The following GNG2 variants were observed in gnomAD, a reference collection of about 807,000 sequenced individuals.
The protein encoded by GNG2 is G protein subunit gamma 2.
GNG2 carries 5 observed loss-of-function variants against 5.5 expected under a neutral mutation model. The observed-to-expected ratio is 0.91, with a 90% CI of 0.48 to 1.92. The LOEUF is 1.92. GNG2 is among the 30% of genes most tolerant of loss of function. The pLI, the probability that GNG2 is intolerant of heterozygous loss-of-function variation, is 0.01. For synonymous variants in GNG2, 28 were observed against 32.0 expected, an observed-to-expected ratio of 0.88 and a Z score of 0.42; for missense variants, 55 against 88.4, an observed-to-expected ratio of 0.62 and a Z score of 1.52.
At chr14:51,935,087 C>A (rs1422880546) in intron 2 of GNG2, among the ~76,000 whole-genome samples, 3 of 144,782 alleles carry the variant, frequency 2.1e-5, no homozygotes, top group African/African-American at 5.1e-5. Flanking sequence ...TGCAGTGGCG[C>A]AATCTCGGCT....
intron 2 of GNG2, among the ~76,000 whole-genome samples, chr14:51,946,373 A>C (rs1214470798): frequency 6.6e-6 from 1 of 152,208 alleles, no homozygotes; most frequent in Non-Finnish European, 1.5e-5. Flanking sequence ...GAAGAAAGAG[A>C]ATATCTTAAG....
intron 2 of GNG2, among the ~76,000 whole-genome samples, chr14:51,890,979 C>A (rs184099529): frequency 9.2e-5 from 14 of 152,200 alleles, no homozygotes; most frequent in Admixed American, 7.2e-4. Flanking sequence ...ACAGTACATT[C>A]TTTAGAGAAG....
chr14:51,946,935 GA>G (rs950536265), intron 2 of GNG2, among the ~76,000 whole-genome samples: 36 of 151,742 alleles, frequency 2.4e-4, no homozygotes, highest in Non-Finnish European at 4.6e-4. Context: ...AGCTGGATGT[GA>G]AAAAAAAGGG....
intron 2 of GNG2, among the ~76,000 whole-genome samples, chr14:51,941,596 G>A (rs1888321789): frequency 6.6e-6 from 1 of 152,148 alleles, no homozygotes; most frequent in African/African-American, 2.4e-5. Context: ...TGAAAAGGAT[G>A]GAATCCTCCA....
chr14:51,926,917 A>C (rs1356363143), intron 2 of GNG2, among the ~76,000 whole-genome samples: 1 of 152,190 alleles, frequency 6.6e-6, no homozygotes, highest in African/African-American at 2.4e-5. Context: ...CCTCGCCATT[A>C]GCAGTTCCAT....
At chr14:51,917,363 C>T (rs185527251) in intron 2 of GNG2, 5 of 456,060 alleles carry the variant, frequency 1.1e-5, no homozygotes, top group Admixed American at 2.3e-5. Context: ...ACAAGAAAAT[C>T]GCATCCCATT....
upstream of GNG2, among the ~76,000 whole-genome samples, chr14:51,856,479 G>A (rs553519082): frequency 2.0e-5 from 3 of 152,240 alleles, no homozygotes; most frequent in East Asian, 3.9e-4. Flanking sequence ...TGTTGCCCAG[G>A]TAGAGTGCAA....
intron 2 of GNG2, among the ~76,000 whole-genome samples, chr14:51,843,781 A>G (rs376067172): frequency 4.6e-5 from 7 of 152,102 alleles, no homozygotes; most frequent in East Asian, 3.9e-4. Context: ...TATTTCCTCA[A>G]TTAACCCCAG....
intron 2 of GNG2, chr14:51,916,411 G>A (rs562828297): frequency 2.5e-5 from 11 of 446,904 alleles, no homozygotes; most frequent in South Asian, 3.2e-5. Flanking sequence ...GGCTTCCCAC[G>A]AGGACCTATT....
chr14:51,858,907 A>T (rs1178775124), upstream of GNG2, among the ~76,000 whole-genome samples: 1 of 152,192 alleles, frequency 6.6e-6, no homozygotes, highest in Admixed American at 6.5e-5. Flanking sequence ...TTTTGATGAA[A>T]GATTTCCTTG....
intron 2 of GNG2, among the ~76,000 whole-genome samples, chr14:51,946,388 T>C (rs1049433146): frequency 6.6e-6 from 1 of 152,106 alleles, no homozygotes; most frequent in Non-Finnish European, 1.5e-5. Context: ...CTTAAGAACA[T>C]AGGAGGTAAT....
intron 3 of GNG2, among the ~76,000 whole-genome samples, chr14:51,952,996 CTT>C: frequency 6.6e-6 from 1 of 152,182 alleles, no homozygotes; most frequent in East Asian, 1.9e-4. Flanking sequence ...TTCCTGCTCT[CTT>C]TTCTGCATGC....
At chr14:51,916,651 C>G in intron 2 of GNG2, 1 of 382,170 alleles carries the variant, frequency 2.6e-6, no homozygotes, top group East Asian at 7.1e-5. Context: ...GGAGGCCTAC[C>G]TGCCTGCGGT....
intron 2 of GNG2, among the ~76,000 whole-genome samples, chr14:51,922,404 T>C (rs546961723): frequency 6.6e-6 from 1 of 152,306 alleles, no homozygotes; most frequent in South Asian, 2.1e-4. Flanking sequence ...CTAGAGTCTC[T>C]CAGTGTTTTT....
chr14:51,918,037 C>CAAA (rs34991244), intron 2 of GNG2, among the ~76,000 whole-genome samples: 2 of 93,878 alleles, frequency 2.1e-5, no homozygotes, highest in Admixed American at 1.2e-4. Context: ...AAAAACAAAC[C>CAAA]AAAAAAAAAA....
chr14:51,870,897 C>T (rs553662763), intron 1 of GNG2, among the ~76,000 whole-genome samples: 1 of 152,312 alleles, frequency 6.6e-6, no homozygotes, highest in Admixed American at 6.5e-5. Context: ...TATTTCTGTG[C>T]ATGTTCATCA....
At chr14:51,829,518 CCTA>C (rs1430655397) in intron 2 of GNG2, among the ~76,000 whole-genome samples, 4 of 152,160 alleles carry the variant, frequency 2.6e-5, no homozygotes, top group African/African-American at 9.7e-5. Flanking sequence ...CAACTCATCT[CCTA>C]CTACAGACCT....
At chr14:51,863,014 A>G (rs553225531) in intron 1 of GNG2, among the ~76,000 whole-genome samples, 6 of 148,052 alleles carry the variant, frequency 4.1e-5, no homozygotes, top group South Asian at 4.3e-4. Context: ...CATATGGCCA[A>G]TGGCTGAATG....
chr14:51,877,027 G>C (rs1267650372), intron 1 of GNG2, among the ~76,000 whole-genome samples: 1 of 152,144 alleles, frequency 6.6e-6, no homozygotes, highest in East Asian at 1.9e-4. Flanking sequence ...CACTCTGCCT[G>C]ATAGCCACAG....
Sources: gnomAD v4.1 joint callset for allele counts (sites outside exome capture counted in the v4.1 genomes callset) on GRCh38, gnomAD v4.1.1 for gene constraint, MANE v1.5 for transcripts, NCBI Gene and HGNC (gene_info 2026-07-23, HGNC 2026-07-21) for gene names.